The following RFPL1 variants were observed in gnomAD, a reference collection of about 807,000 sequenced individuals.
RFPL1 encodes ret finger protein-like 1.
RFPL1 carries 6 observed loss-of-function variants against 9.6 expected under a neutral mutation model. The observed-to-expected ratio is 0.62, with a 90% CI of 0.34 to 1.23. The LOEUF is 1.23. Ranked by LOEUF, RFPL1 falls within the 50% of genes most tolerant of loss-of-function variation. The probability of loss-of-function intolerance (pLI) is 0.03; values close to 1 mark genes in which losing one functional copy is unlikely to be tolerated. For missense variants in RFPL1, 352 were observed against 398.4 expected (o/e 0.88, Z 0.99); for synonymous variants, 145 against 149.4 (o/e 0.97, Z 0.22).
At chr22:29,431,995 G>A in the RFPL1 span, among the ~76,000 whole-genome samples, 1 of 152,066 alleles carries the variant, frequency 6.6e-6, no homozygotes, top group Non-Finnish European at 1.5e-5. Context: ...CCTGGCCAAA[G>A]TTCTTAATAA....
At chr22:29,400,077 G>A in the RFPL1 span, among the ~76,000 whole-genome samples, 46 of 149,288 alleles carry the variant, frequency 3.1e-4, no homozygotes, top group South Asian at 1.3e-3. Flanking sequence ...CTCACTGCAA[G>A]CTCCGCCTCC....
chr22:29,392,378 C>CCT, the RFPL1 span, among the ~76,000 whole-genome samples: 1 of 46,274 alleles, frequency 2.2e-5, no homozygotes. Context: ...CCACACCTGG[C>CCT]TTTTTTTTTT....
At chr22:29,400,180 T>G in the RFPL1 span, among the ~76,000 whole-genome samples, 1 of 152,002 alleles carries the variant, frequency 6.6e-6, no homozygotes, top group East Asian at 1.9e-4. Flanking sequence ...GTATTTTTAG[T>G]AGAGACGGGG....
chr22:29,402,229 A>C, the RFPL1 span, among the ~76,000 whole-genome samples: 1 of 152,180 alleles, frequency 6.6e-6, no homozygotes. Context: ...TTGATTCTGT[A>C]AAATCCATAA....
At chr22:29,417,986 C>A in the RFPL1 span, among the ~76,000 whole-genome samples, 1 of 145,990 alleles carries the variant, frequency 6.8e-6, no homozygotes, top group Non-Finnish European at 1.5e-5. Context: ...GTCATCCAGG[C>A]TGGAGTGCAG....
exon 2 of RFPL1, chr22:29,442,386 C>T: frequency 3.3e-6 from 1 of 304,572 alleles, no homozygotes; most frequent in Non-Finnish European, 6.0e-6. Flanking sequence ...TTTCCAAATG[C>T]TTTTTTATTT....
chr22:29,422,268 A>G, the RFPL1 span, among the ~76,000 whole-genome samples: 9 of 152,168 alleles, frequency 5.9e-5, no homozygotes, highest in African/African-American at 1.9e-4. Flanking sequence ...ACATGGTGAA[A>G]CCCCATCTCT....
the RFPL1 span, among the ~76,000 whole-genome samples, chr22:29,422,611 C>T: frequency 7.9e-5 from 12 of 151,980 alleles, no homozygotes; most frequent in African/African-American, 2.7e-4. Flanking sequence ...GGCATAGTGG[C>T]GGGCACATGT....
the RFPL1 span, among the ~76,000 whole-genome samples, chr22:29,412,847 G>A: frequency 7.2e-3 from 1,093 of 152,204 alleles, 14 homozygotes; most frequent in African/African-American, 0.025. Context: ...ATGAGGGTGA[G>A]CTCCTGAGGA....
chr22:29,431,416 G>T, the RFPL1 span, among the ~76,000 whole-genome samples: 2 of 152,136 alleles, frequency 1.3e-5, no homozygotes, highest in African/African-American at 4.8e-5. Flanking sequence ...TAATCATAGT[G>T]TGGCCAACTC....
At chr22:29,420,781 C>T in the RFPL1 span, among the ~76,000 whole-genome samples, 2 of 151,914 alleles carry the variant, frequency 1.3e-5, no homozygotes, top group Admixed American at 6.6e-5. Flanking sequence ...GCTGGAACTA[C>T]AGGCGGGCAC....
the RFPL1 span, among the ~76,000 whole-genome samples, chr22:29,408,653 T>G: frequency 1.8e-3 from 276 of 152,336 alleles, no homozygotes; most frequent in African/African-American, 6.1e-3. Flanking sequence ...CATTTTTGAC[T>G]GCCATCATGA....
chr22:29,430,453 T>C, the RFPL1 span, among the ~76,000 whole-genome samples: 1 of 152,194 alleles, frequency 6.6e-6, no homozygotes, highest in Non-Finnish European at 1.5e-5. Flanking sequence ...TATTTATATA[T>C]ATTGTGATGT....
At chr22:29,412,949 G>A in the RFPL1 span, among the ~76,000 whole-genome samples, 3 of 151,976 alleles carry the variant, frequency 2.0e-5, no homozygotes, top group Non-Finnish European at 4.4e-5. Flanking sequence ...GTGCAAGAGC[G>A]CCCCCTGCTG....
chr22:29,404,923 T>A, the RFPL1 span, among the ~76,000 whole-genome samples: 1 of 151,794 alleles, frequency 6.6e-6, no homozygotes, highest in Non-Finnish European at 1.5e-5. Context: ...AGAGAAGAGG[T>A]CTCACTATGT....
At chr22:29,432,542 G>T in the RFPL1 span, among the ~76,000 whole-genome samples, 1 of 152,236 alleles carries the variant, frequency 6.6e-6, no homozygotes, top group South Asian at 2.1e-4. Context: ...AGCGTCTCTC[G>T]GTCGCCGGCT....
the RFPL1 span, among the ~76,000 whole-genome samples, chr22:29,392,781 C>T: frequency 6.6e-6 from 1 of 152,180 alleles, no homozygotes; most frequent in Admixed American, 6.5e-5. Flanking sequence ...CTCCTGACAT[C>T]GGCCCCATGA....
chr22:29,412,190 G>T, the RFPL1 span, among the ~76,000 whole-genome samples: 1 of 152,148 alleles, frequency 6.6e-6, no homozygotes, highest in South Asian at 2.1e-4. Context: ...AGTAGGGATG[G>T]ACTTCAGGGT....
chr22:29,393,217 C>T, the RFPL1 span, among the ~76,000 whole-genome samples: 4 of 152,146 alleles, frequency 2.6e-5, no homozygotes, highest in Non-Finnish European at 5.9e-5. Flanking sequence ...TGTGAAGCGC[C>T]TCTGCATATT....
Sources: gnomAD v4.1 joint callset for allele counts (sites outside exome capture counted in the v4.1 genomes callset) on GRCh38, gnomAD v4.1.1 for gene constraint, MANE v1.5 for transcripts, NCBI Gene and HGNC (gene_info 2026-07-23, HGNC 2026-07-21) for gene names.